The following SORCS2 variants were observed in gnomAD, a reference collection of about 807,000 sequenced individuals.
SORCS2 encodes the protein sortilin related VPS10 domain containing receptor 2, also known as VPS10 domain-containing receptor SorCS2.
A neutral mutation model predicts 141.6 loss-of-function variants in SORCS2; 100 were observed. That is an observed-to-expected ratio of 0.71 (90% confidence interval 0.60 to 0.83). SORCS2 has a LOEUF of 0.83. Among genes scored for constraint, SORCS2 ranks in the 40% least tolerant of loss-of-function variants. SORCS2 has a pLI of 0.00. For missense variants in SORCS2, 1,646 were observed against 1,560.2 expected (o/e 1.05, Z -0.93); for synonymous variants, 789 against 676.9 (o/e 1.17, Z -2.57).
intron 2 of SORCS2, among the ~76,000 whole-genome samples, chr4:7,484,530 A>C (rs948659870): frequency 6.6e-6 from 1 of 152,166 alleles, no homozygotes; most frequent in Non-Finnish European, 1.5e-5. Flanking sequence ...CGGGCTTATA[A>C]GGATAGAAAG....
chr4:7,649,287 G>A (rs552014690), intron 4 of SORCS2, among the ~76,000 whole-genome samples: 2 of 151,564 alleles, frequency 1.3e-5, no homozygotes, highest in East Asian at 3.9e-4. Flanking sequence ...GCCCTGAGCC[G>A]AGCGTGCCTG....
intron 1 of SORCS2, among the ~76,000 whole-genome samples, chr4:7,376,001 A>C (rs1007289222): frequency 6.6e-6 from 1 of 152,160 alleles, no homozygotes; most frequent in Non-Finnish European, 1.5e-5. Flanking sequence ...ATAGCTTAGA[A>C]AGTTCTAGGT....
intron 1 of SORCS2, among the ~76,000 whole-genome samples, chr4:7,292,989 TGAG>T (rs772898988): frequency 6.6e-6 from 1 of 152,184 alleles, no homozygotes; most frequent in East Asian, 1.9e-4. Flanking sequence ...CTTTCTCTAT[TGAG>T]GAGTCTGTGA....
At chr4:7,659,760 G>A (rs889758027) in intron 5 of SORCS2, among the ~76,000 whole-genome samples, 7 of 152,206 alleles carry the variant, frequency 4.6e-5, no homozygotes, top group Non-Finnish European at 8.8e-5. Flanking sequence ...CTTGGACAAA[G>A]GGGCCAGGGC....
intron 1 of SORCS2, among the ~76,000 whole-genome samples, chr4:7,373,201 C>T (rs1722371567): frequency 6.6e-6 from 1 of 151,488 alleles, no homozygotes; most frequent in South Asian, 2.1e-4. Flanking sequence ...TTCCCAACAC[C>T]AAGGTATGAG....
intron 1 of SORCS2, among the ~76,000 whole-genome samples, chr4:7,331,128 A>G (rs924449654): frequency 1.3e-5 from 2 of 151,756 alleles, no homozygotes; most frequent in Non-Finnish European, 2.9e-5. Context: ...GGGTGGGGAC[A>G]GGGTGGAGGA....
intron 2 of SORCS2, among the ~76,000 whole-genome samples, chr4:7,450,850 G>A (rs1042799512): frequency 6.6e-6 from 1 of 152,178 alleles, no homozygotes; most frequent in Non-Finnish European, 1.5e-5. Flanking sequence ...ATGAGTGAAT[G>A]GATGGGAGAG....
chr4:7,364,729 A>G (rs1047245840), intron 1 of SORCS2, among the ~76,000 whole-genome samples: 1 of 152,214 alleles, frequency 6.6e-6, no homozygotes, highest in African/African-American at 2.4e-5. Flanking sequence ...ACCTCATGTC[A>G]CATGAAGTCC....
chr4:7,428,744 G>C (rs190074494), intron 2 of SORCS2, among the ~76,000 whole-genome samples: 1 of 152,286 alleles, frequency 6.6e-6, no homozygotes, highest in African/African-American at 2.4e-5. Flanking sequence ...CACCAGGGTG[G>C]GGTCCACCCG....
intron 3 of SORCS2, among the ~76,000 whole-genome samples, chr4:7,540,161 T>TCTCCCTGCCCCTCCCTTCCC (rs1712494264): frequency 2.0e-5 from 1 of 50,874 alleles, no homozygotes; most frequent in African/African-American, 9.1e-5. Context: ...CGCCCCTGCC[T>TCTCCCTGCCCCTCCCTTCCC]CTCCCTGCCC....
Position 7,733,351 on chromosome 4 carries a change from C to A in SORCS2, c.3138C>A (p.Asn1046Lys). Reference sequence around the variant, plus strand: ...TCGCCGCCATCCAGCAGGTGCTGAACGCACAGAAGATCAGCTTCCTCCTGC... The same window carrying A: ...TCGCCGCCATCCAGCAGGTGCTGAAAGCACAGAAGATCAGCTTCCTCCTGC... ...KRLAAIQQVL[N>K]AQKISFLLRG... The change falls in exon 24 of 27, where the codon AAC becomes AAA. Residue 1046 changes from asparagine to lysine, a missense_variant. Coordinates refer to ENST00000507866, the MANE Select transcript of SORCS2 (RefSeq NM_020777.3). 6.4e-7 allele frequency: 1 copy of A among 1,572,354 alleles called. No homozygotes were observed. Among genetic ancestry groups the A allele is most frequent in the African/African-American group, 1.3e-5 (1 of 74,094 alleles).
At chr4:7,721,114 G>T (rs1256287991) in intron 18 of SORCS2, among the ~76,000 whole-genome samples, 1 of 152,234 alleles carries the variant, frequency 6.6e-6, no homozygotes, top group African/African-American at 2.4e-5. Flanking sequence ...GAATGCACAG[G>T]CTGGGGTGCC....
intron 23 of SORCS2, among the ~76,000 whole-genome samples, chr4:7,731,706 A>T (rs544499893): frequency 6.6e-6 from 1 of 152,250 alleles, no homozygotes; most frequent in East Asian, 1.9e-4. Flanking sequence ...AGAAGACACA[A>T]TGGAGAAAAG....
At chr4:7,255,785 G>A (rs1213650596) in intron 1 of SORCS2, among the ~76,000 whole-genome samples, 1 of 152,130 alleles carries the variant, frequency 6.6e-6, no homozygotes, top group Non-Finnish European at 1.5e-5. Flanking sequence ...TGGGCAGAGC[G>A]GCTGTGCAGT....
At chr4:7,380,610 C>A (rs186370753) in intron 1 of SORCS2, among the ~76,000 whole-genome samples, 20 of 152,370 alleles carry the variant, frequency 1.3e-4, no homozygotes, top group African/African-American at 4.6e-4. Flanking sequence ...TCTGCTGACC[C>A]GTGGCTAGAC....
intron 1 of SORCS2, among the ~76,000 whole-genome samples, chr4:7,348,710 T>C (rs903647413): frequency 5.9e-5 from 9 of 152,090 alleles, no homozygotes; most frequent in African/African-American, 1.9e-4. Flanking sequence ...CACCACCATG[T>C]CTGGCTAATT....
chr4:7,615,124 G>C (rs1289468180), intron 3 of SORCS2, among the ~76,000 whole-genome samples: 1 of 152,060 alleles, frequency 6.6e-6, no homozygotes. Flanking sequence ...TCCTCCATCT[G>C]TTCATCCATC....
chr4:7,404,780 A>G (rs1302368100), intron 2 of SORCS2, among the ~76,000 whole-genome samples: 2 of 152,132 alleles, frequency 1.3e-5, no homozygotes, highest in African/African-American at 2.4e-5. Context: ...ATAGTTTGCA[A>G]ATATTTTCTC....
intron 3 of SORCS2, among the ~76,000 whole-genome samples, chr4:7,595,136 C>T (rs1030700167): frequency 6.6e-6 from 1 of 152,158 alleles, no homozygotes; most frequent in African/African-American, 2.4e-5. Flanking sequence ...CGGCCTCCTC[C>T]TCGTGTGTAG....
Sources: allele counts gnomAD v4.1 joint callset (sites outside exome capture counted in the v4.1 genomes callset), GRCh38; gene constraint gnomAD v4.1.1; transcripts MANE v1.5; gene names NCBI Gene and HGNC (gene_info 2026-07-23, HGNC 2026-07-21).